Variants in FUT9 observed in about 807,000 individuals in gnomAD.
FUT9 encodes the protein fucosyltransferase 9, also known as 4-galactosyl-N-acetylglucosaminide 3-alpha-L-fucosyltransferase 9.
A neutral mutation model predicts 29.7 loss-of-function variants in FUT9; 15 were observed. The ratio of observed to expected loss-of-function variants is 0.51; its 90% CI spans 0.34 to 0.78. The LOEUF is 0.78. Among genes scored for constraint, FUT9 ranks in the 30% least tolerant of loss-of-function variants. The probability of loss-of-function intolerance (pLI) is 0.01; values close to 1 mark genes in which losing one functional copy is unlikely to be tolerated. For missense variants in FUT9, 319 were observed against 425.4 expected, an observed-to-expected ratio of 0.75 and a Z score of 2.20; for synonymous variants, 169 against 153.7, an observed-to-expected ratio of 1.10 and a Z score of -0.74.
At chr6:96,049,086 A>G (rs1026212555) in intron 1 of FUT9, among the ~76,000 whole-genome samples, 1 of 152,230 alleles carries the variant, frequency 6.6e-6, no homozygotes, top group Non-Finnish European at 1.5e-5. Context: ...AATACTACTT[A>G]TAAATATGAA....
At chr6:96,175,005 A>G (rs1773179218) in intron 2 of FUT9, among the ~76,000 whole-genome samples, 1 of 152,270 alleles carries the variant, frequency 6.6e-6, no homozygotes, top group South Asian at 2.1e-4. Flanking sequence ...TAGACTAAAC[A>G]TTGCTGTGGA....
chr6:96,107,608 T>C (rs1013178603), intron 1 of FUT9, among the ~76,000 whole-genome samples: 1 of 152,168 alleles, frequency 6.6e-6, no homozygotes, highest in Admixed American at 6.5e-5. Flanking sequence ...TATGTATAAA[T>C]TTGGACAAAT....
intron 1 of FUT9, among the ~76,000 whole-genome samples, chr6:96,029,957 T>C (rs1308830588): frequency 6.6e-6 from 1 of 151,602 alleles, no homozygotes; most frequent in Non-Finnish European, 1.5e-5. Flanking sequence ...ATCCCAAATA[T>C]GGTGCAGCTA....
At chr6:96,142,457 A>G (rs1408351672) in intron 2 of FUT9, among the ~76,000 whole-genome samples, 1 of 152,226 alleles carries the variant, frequency 6.6e-6, no homozygotes, top group Non-Finnish European at 1.5e-5. Flanking sequence ...AGTGAACAAG[A>G]GGCCAAATAC....
chr6:96,131,472 C>G (rs1772243743), intron 2 of FUT9, among the ~76,000 whole-genome samples: 1 of 152,016 alleles, frequency 6.6e-6, no homozygotes, highest in South Asian at 2.1e-4. Context: ...ACACACACAC[C>G]TTTGTTTCAA....
At chr6:96,157,524 G>T (rs1772808273) in intron 2 of FUT9, among the ~76,000 whole-genome samples, 1 of 152,116 alleles carries the variant, frequency 6.6e-6, no homozygotes, top group Non-Finnish European at 1.5e-5. Flanking sequence ...TATAAAGAAA[G>T]TTCCAGTTTA....
At position 96,047,191 on chromosome 6, in the gene FUT9, A is replaced by T. The variant is rs1214020953; in HGVS notation, c.-98+30979A>T. Among the ~76,000 whole-genome samples, 6 of 152,330 alleles carry T rather than the reference A, an allele frequency of 3.9e-5. No individual in the cohort carries two copies. In the East Asian group the frequency reaches 1.2e-3, roughly 29 times the overall value. ...GTCACCGAATGGAAATGAAAATGTT[A>T]TGGAGAAATGGTAAGAACCAGTAGT... On this transcript the variant is annotated intron_variant, in intron 1 of 2. Coordinates refer to ENST00000302103, the MANE Select transcript of FUT9 (RefSeq NM_006581.4).
intron 2 of FUT9, among the ~76,000 whole-genome samples, chr6:96,130,991 G>T (rs1242389439): frequency 6.6e-6 from 1 of 152,108 alleles, no homozygotes; most frequent in African/African-American, 2.4e-5. Context: ...ATAAGACGGG[G>T]TTAATAATAT....
In FUT9 at chr6:96,208,926, A is replaced by T. The variant is rs1283424964; in HGVS notation, c.*4691A>T. The T allele has an allele frequency of 6.0e-6, 1 of 166,188 alleles. No individual in the cohort carries two copies. Among genetic ancestry groups the T allele is most frequent in the African/African-American group, 2.4e-5 (1 of 41,244 alleles). The allele number at this position is 166,188 out of a possible 1,614,324, so 10.3% of individuals were successfully genotyped here. On this transcript the variant is annotated 3_prime_UTR_variant, in exon 3 of 3. Coordinates refer to ENST00000302103, the MANE Select transcript of FUT9 (RefSeq NM_006581.4). The stretch of plus-strand genomic sequence containing the variant: ...TTTTTTTTTCTGGATGTCTCAATCT[A>T]GAGATTTTGTAGCATTTTGCAAATG...
rs901491627 is a variant in FUT9 at position 96,210,484 on chromosome 6, G to A, written c.*6249G>A. On this transcript the variant is annotated 3_prime_UTR_variant, in exon 3 of 3. Transcript: ENST00000302103. ...GCTGATCTATTTAGTTTGAGGAAGA[G>A]CCCAGAAGTCTAACAGGTGTAAATG... 2 of 166,702 alleles carry A rather than the reference G, an allele frequency of 1.2e-5. No homozygotes were observed. The highest frequency in any genetic ancestry group is 4.8e-5 in the African/African-American group (2 of 41,378). 10.3% of individuals were successfully genotyped at this position (166,702 alleles called of 1,614,324 possible). A position where few individuals can be genotyped will look rare whatever the true frequency, so the allele number is the denominator to read the frequency against.
At chr6:96,058,377 C>T (rs568674848) in intron 1 of FUT9, among the ~76,000 whole-genome samples, 25 of 137,302 alleles carry the variant, frequency 1.8e-4, no homozygotes, top group Middle Eastern at 4.9e-3. Context: ...TTGGGGAAGT[C>T]ATGAAAGAAA....
chr6:96,170,371 T>C (rs558360221), intron 2 of FUT9, among the ~76,000 whole-genome samples: 23 of 152,230 alleles, frequency 1.5e-4, no homozygotes, highest in Non-Finnish European at 2.9e-4. Context: ...AAGTTATAAA[T>C]AAGATTTAAT....
chr6:96,209,665 T>C lies in FUT9; in HGVS notation c.*5430T>C, dbSNP rs374185888. The C allele has an allele frequency of 2.4e-5, 4 of 166,952 alleles. No individual in the cohort carries two copies. The highest frequency in any genetic ancestry group is 4.1e-4 in the South Asian group (2 of 4,830). The allele number at this position is 166,952 out of a possible 1,614,324, so 10.3% of individuals were successfully genotyped here. A position where few individuals can be genotyped will look rare whatever the true frequency, so the allele number is the denominator to read the frequency against. ...GCTAGATTGAGTTCATTTGAACATTTAGTTATTTTTTAGCTCATAGTTAAC... is the reference window on the plus strand; with the variant it reads ...GCTAGATTGAGTTCATTTGAACATTCAGTTATTTTTTAGCTCATAGTTAAC... On this transcript the variant is annotated 3_prime_UTR_variant, in exon 3 of 3. Coordinates refer to ENST00000302103, the MANE Select transcript of FUT9 (RefSeq NM_006581.4).
At chr6:96,184,115 T>C (rs1324990252) in intron 2 of FUT9, among the ~76,000 whole-genome samples, 1 of 152,046 alleles carries the variant, frequency 6.6e-6, no homozygotes, top group African/African-American at 2.4e-5. Flanking sequence ...TATTACCATT[T>C]CAATCTCACT....
At position 96,204,590 on chromosome 6, in the gene FUT9, A is replaced by T. The variant is rs1413984037; in HGVS notation, c.*355A>T. ...TGTTTAATCTATTTGGGAAATGAAG[A>T]TGCACATCTTAAAGTATGAAAAATT... On this transcript the variant is annotated 3_prime_UTR_variant, in exon 3 of 3. Coordinates refer to ENST00000302103, the MANE Select transcript of FUT9 (RefSeq NM_006581.4). 1 of 172,600 alleles carries T rather than the reference A, an allele frequency of 5.8e-6. No homozygotes were observed. The highest frequency in any genetic ancestry group is 2.4e-5 in the African/African-American group (1 of 41,684). 10.7% of individuals were successfully genotyped at this position (172,600 alleles called of 1,614,324 possible). A position where few individuals can be genotyped will look rare whatever the true frequency, so the allele number is the denominator to read the frequency against.
In FUT9 at chr6:96,207,358, T is replaced by A. The variant is rs1160373320; in HGVS notation, c.*3123T>A. 6.0e-6 allele frequency: 1 copy of A among 167,062 alleles called. No individual in the cohort carries two copies. Among genetic ancestry groups the A allele is most frequent in the East Asian group, 1.9e-4 (1 of 5,202 alleles). 10.3% of individuals were successfully genotyped at this position (167,062 alleles called of 1,614,324 possible). On this transcript the variant is annotated 3_prime_UTR_variant, in exon 3 of 3. Coordinates refer to ENST00000302103, the MANE Select transcript of FUT9 (RefSeq NM_006581.4). ...AACTTATTATAGAATTATGTCTCAA[T>A]TTTTACAAATGTGAATGTCTTATTG...
At chr6:96,090,043 T>C (rs1771384825) in intron 1 of FUT9, among the ~76,000 whole-genome samples, 1 of 152,038 alleles carries the variant, frequency 6.6e-6, no homozygotes, top group East Asian at 1.9e-4. Context: ...CACACTTCTA[T>C]AAAATTATGA....
chr6:96,103,307 G>A (rs1263157617), intron 1 of FUT9, among the ~76,000 whole-genome samples: 1 of 152,006 alleles, frequency 6.6e-6, no homozygotes, highest in East Asian at 1.9e-4. Flanking sequence ...TCTCTCAGGT[G>A]AACAGAATTC....
At chr6:96,193,626 G>A (rs77168476) in intron 2 of FUT9, among the ~76,000 whole-genome samples, 37 of 152,018 alleles carry the variant, frequency 2.4e-4, no homozygotes, top group Middle Eastern at 6.8e-3. Context: ...TAGTTCAACC[G>A]TTGTGGAAGA....
Sources: gnomAD v4.1 joint callset for allele counts (sites outside exome capture counted in the v4.1 genomes callset) on GRCh38, gnomAD v4.1.1 for gene constraint, MANE v1.5 for transcripts, NCBI Gene and HGNC (gene_info 2026-07-23, HGNC 2026-07-21) for gene names.